The following PKD1L1 variants were observed in gnomAD, a reference collection of about 807,000 sequenced individuals.
PKD1L1 encodes polycystin-1-like protein 1.
Under a neutral mutation model 323.4 loss-of-function variants are expected in PKD1L1, and 236 were observed. That is an observed-to-expected ratio of 0.73 (90% CI 0.66 to 0.81). PKD1L1 has a LOEUF of 0.81. Among genes scored for constraint, PKD1L1 ranks in the 40% least tolerant of loss-of-function variants. The probability of loss-of-function intolerance (pLI) is 0.00; values close to 1 mark genes in which losing one functional copy is unlikely to be tolerated. For synonymous variants in PKD1L1, 1,344 were observed against 1,335.0 expected (o/e 1.01, Z -0.15); for missense variants, 3,320 against 3,508.0 (o/e 0.95, Z 1.35).
intron 50 of PKD1L1, among the ~76,000 whole-genome samples, chr7:47,811,559 A>G (rs1301811479): frequency 2.6e-5 from 4 of 152,170 alleles, no homozygotes; most frequent in Non-Finnish European, 5.9e-5. Flanking sequence ...CCCCGTGATG[A>G]ATTTGGTACC....
At chr7:47,916,870 A>G (rs570642152) in intron 7 of PKD1L1, among the ~76,000 whole-genome samples, 1 of 152,330 alleles carries the variant, frequency 6.6e-6, no homozygotes, top group South Asian at 2.1e-4. Context: ...GCCTACCCAA[A>G]TGAGAAGGAA....
rs199537141 is a variant in PKD1L1 at position 47,834,321 on chromosome 7, G to A, written c.6174+18C>T. ...TTCATGCTAGAAGATTAGCTGCTGC[G>A]CATAATGATTGATTTACCTTGCGTG... On this transcript the variant is annotated intron_variant, in intron 40 of 56. Coordinates refer to ENST00000289672, the MANE Select transcript of PKD1L1 (RefSeq NM_138295.5). 1.2e-5 allele frequency: 20 copies of A among 1,610,122 alleles called. No individual in the cohort carries two copies. The highest frequency in any genetic ancestry group is 1.7e-4 in the Middle Eastern group (1 of 6,052).
At chr7:47,958,488 T>C in the PKD1L1 span, among the ~76,000 whole-genome samples, 2 of 152,146 alleles carry the variant, frequency 1.3e-5, no homozygotes, top group African/African-American at 4.8e-5. Context: ...ATGAAACTGC[T>C]AGAGGAAACA....
At chr7:47,838,237 C>A (rs1238934983) in intron 36 of PKD1L1, among the ~76,000 whole-genome samples, 1 of 152,250 alleles carries the variant, frequency 6.6e-6, no homozygotes, top group Non-Finnish European at 1.5e-5. Flanking sequence ...ATATGTCAGG[C>A]CTGAAAATGC....
intron 56 of PKD1L1, among the ~76,000 whole-genome samples, chr7:47,778,236 C>A (rs1786613186): frequency 6.6e-6 from 1 of 152,114 alleles, no homozygotes; most frequent in Admixed American, 6.5e-5. Context: ...GGAAGACCAC[C>A]AGGGCTGCCA....
chr7:47,896,481 A>G (rs1377195968), intron 14 of PKD1L1, among the ~76,000 whole-genome samples: 1 of 151,906 alleles, frequency 6.6e-6, no homozygotes, highest in African/African-American at 2.4e-5. Context: ...TATGGCCAGG[A>G]ACTCCATTTT....
At chr7:47,813,848 T>C in intron 48 of PKD1L1, 83 bp downstream of exon 48, 1 of 1,176,412 alleles carries the variant, frequency 8.5e-7, no homozygotes, top group South Asian at 1.3e-5. Flanking sequence ...GTTCAAATGA[T>C]CTGCCAGGGT....
intron 2 of PKD1L1, 99 bp from the exon 3 acceptor site, chr7:47,940,416 AG>A (rs1392703617): frequency 2.3e-6 from 3 of 1,298,818 alleles, no homozygotes; most frequent in Non-Finnish European, 3.2e-6. Flanking sequence ...ATAAGGTCAA[AG>A]CCACCTGGGC....
chr7:47,925,688 A>C (rs192606852), intron 7 of PKD1L1, among the ~76,000 whole-genome samples: 460 of 152,304 alleles, frequency 3.0e-3, no homozygotes, highest in African/African-American at 0.011. Context: ...ATTTAAACAG[A>C]GGCCTTAAGA....
At chr7:47,887,398 T>A (rs540638173) in intron 17 of PKD1L1, among the ~76,000 whole-genome samples, 1 of 152,308 alleles carries the variant, frequency 6.6e-6, no homozygotes, top group South Asian at 2.1e-4. Context: ...TCAGTCTCGC[T>A]CCTGGTTCAA....
intron 24 of PKD1L1, among the ~76,000 whole-genome samples, chr7:47,867,085 T>C (rs1339727474): frequency 6.6e-6 from 1 of 152,230 alleles, no homozygotes; most frequent in Non-Finnish European, 1.5e-5. Flanking sequence ...TGTTCTGCAA[T>C]TTATTTGCTG....
intron 37 of PKD1L1, 103 bp downstream of exon 37, chr7:47,836,818 A>G: frequency 7.2e-7 from 1 of 1,386,702 alleles, no homozygotes; most frequent in Admixed American, 2.3e-5. Context: ...CCTGGTTTAA[A>G]CTTTTCTCGG....
chr7:47,810,661 C>T (rs953855212), intron 50 of PKD1L1, among the ~76,000 whole-genome samples: 1 of 152,194 alleles, frequency 6.6e-6, no homozygotes, highest in African/African-American at 2.4e-5. Context: ...AGCAAAGTAA[C>T]CTTGACCTGA....
chr7:47,823,963 T>G (rs966124313), intron 45 of PKD1L1, among the ~76,000 whole-genome samples: 2 of 152,192 alleles, frequency 1.3e-5, no homozygotes, highest in African/African-American at 4.8e-5. Context: ...AATTCAGTAG[T>G]TTCTAATCTT....
chr7:47,941,164 G>A (rs1458620768), intron 2 of PKD1L1, among the ~76,000 whole-genome samples: 2 of 152,220 alleles, frequency 1.3e-5, no homozygotes, highest in Non-Finnish European at 2.9e-5. Context: ...GGAAGGAAGT[G>A]GGGGTGGCGG....
Position 47,894,003 on chromosome 7 carries a change from T to C in PKD1L1, c.2328A>G (p.Arg776=), listed in dbSNP as rs1179850161. 1.3e-5 allele frequency: 21 copies of C among 1,611,962 alleles called. No homozygotes were observed. The highest frequency in any genetic ancestry group is 1.8e-5 in the Non-Finnish European group (21 of 1,179,000). ...AGATCACACTGACAGGGGCCTGGGC[T>C]CGCACCTCCAGGCCCACACAGTAGT... ...YSNYCVGLEV[R]AQAPVSVISE... Residue 776 remains arginine, a synonymous_variant, in exon 15 of 57, where the codon CGA becomes CGG. Coordinates refer to ENST00000289672, the MANE Select transcript of PKD1L1 (RefSeq NM_138295.5).
At chr7:47,953,084 G>C (rs745885038), upstream of PKD1L1, among the ~76,000 whole-genome samples, 2 of 152,186 alleles carry the variant, frequency 1.3e-5, no homozygotes, top group Non-Finnish European at 2.9e-5. Flanking sequence ...GGAATGCGAT[G>C]ATCACAGTAG....
intron 52 of PKD1L1, among the ~76,000 whole-genome samples, chr7:47,807,170 T>C (rs1005949559): frequency 2.6e-5 from 4 of 152,062 alleles, no homozygotes; most frequent in Non-Finnish European, 5.9e-5. Flanking sequence ...CATGTATTCT[T>C]TCACTTCAGG....
rs530943075 is a variant in PKD1L1 at position 47,890,655 on chromosome 7, T to A, written c.2562A>T (p.Gln854His). The part of the protein sequence containing the change: ...AAAPTVSFEA[Q>H]WLSDSYDQFL... ...ACTGATCATAGCTGTCACTGAGCCA[T>A]TGTGCCTCAAAGGAAACAGTGGGAG... The change falls in exon 16 of 57, where the codon CAA becomes CAT. Residue 854 changes from glutamine to histidine, a missense_variant. Transcript: ENST00000289672. The A allele has an allele frequency of 6.2e-7, 1 of 1,614,100 alleles. No homozygotes were observed. The highest frequency in any genetic ancestry group is 1.1e-5 in the South Asian group (1 of 91,072).
Sources: gnomAD v4.1 joint callset for allele counts (sites outside exome capture counted in the v4.1 genomes callset) on GRCh38, gnomAD v4.1.1 for gene constraint, MANE v1.5 for transcripts, NCBI Gene and HGNC (gene_info 2026-07-23, HGNC 2026-07-21) for gene names.